PRAG1: variants seen among roughly 807,000 people sequenced by gnomAD.
The protein encoded by PRAG1 is PEAK1 related, kinase-activating pseudokinase 1, also known as inactive tyrosine-protein kinase PRAG1.
Under a neutral mutation model 95.6 loss-of-function variants are expected in PRAG1, and 110 were observed. That is an observed-to-expected ratio of 1.15 (90% CI 0.99 to 1.35). The LOEUF is 1.35. PRAG1 is among the 40% of genes most tolerant of loss of function. The pLI is 0.00. For synonymous variants in PRAG1, 1,052 were observed against 819.4 expected (o/e 1.28, Z -4.85); for missense variants, 2,554 against 1,864.7 (o/e 1.37, Z -6.81).
chr8:8,353,190 T>G (rs987139721), intron 3 of PRAG1, among the ~76,000 whole-genome samples: 2 of 152,218 alleles, frequency 1.3e-5, no homozygotes, highest in Non-Finnish European at 2.9e-5. Flanking sequence ...AATACTGAAC[T>G]GGAATTAAGC....
At chr8:8,320,492 C>G (rs1041786308) in intron 5 of PRAG1, among the ~76,000 whole-genome samples, 7 of 152,182 alleles carry the variant, frequency 4.6e-5, no homozygotes, top group Non-Finnish European at 7.3e-5. Flanking sequence ...ACTAGAGAGT[C>G]TTGAACCAGC....
In PRAG1 at chr8:8,378,009, C is replaced by A; in HGVS notation, c.400G>T (p.Gly134Cys). 6.3e-7 allele frequency: 1 copy of A among 1,593,496 alleles called. No individual in the cohort carries two copies. Among genetic ancestry groups the A allele is most frequent in the Admixed American group, 1.7e-5 (1 of 58,004 alleles). Reference protein sequence around the residue: ...KQEDAPVVYLGSFRGVQKPAG... With the variant: ...KQEDAPVVYLCSFRGVQKPAG... ...GGCTTCTGTACACCTCGGAAGCTGC[C>A]CAGGTAGACGACGGGGGCATCCTCC... The change falls in exon 3 of 6, where the codon GGC becomes TGC. Residue 134 changes from glycine (G) to cysteine (C), a missense_variant. By Grantham distance (159) the Gly-to-Cys change is radical. Transcript: ENST00000615670.
chr8:8,358,115 A>G (rs963025766), intron 3 of PRAG1, among the ~76,000 whole-genome samples: 3 of 152,220 alleles, frequency 2.0e-5, no homozygotes, highest in Non-Finnish European at 4.4e-5. Context: ...TGATCAATCA[A>G]TTATAAATTG....
rs772190910 is a variant in PRAG1 at position 8,318,441 on chromosome 8, G to A, written c.3934C>T (p.Pro1312Ser). ...TCGCCGATGCGGATACGCTTGATGG[G>A]GTCGGCCTCCAGTAGCAGATGTGCC... ...QLAHLLLEAD[P>S]IKRIRIGEAK... is the part of the protein sequence containing the mutation. The change falls in exon 6 of 6, where the codon CCC (proline) becomes TCC (serine). Residue 1312 changes from proline (P) to serine (S), a missense_variant. Transcript: ENST00000615670. The surrounding 1 kb of genome is among the most constrained non-coding windows in gnomAD (Gnocchi z 4.2). 9.3e-6 allele frequency: 15 copies of A among 1,612,452 alleles called. No individual in the cohort carries two copies. The highest frequency in any genetic ancestry group is 1.3e-5 in the African/African-American group (1 of 74,936).
At chr8:8,363,661 A>G (rs1799915781) in intron 3 of PRAG1, among the ~76,000 whole-genome samples, 1 of 152,220 alleles carries the variant, frequency 6.6e-6, no homozygotes, top group Non-Finnish European at 1.5e-5. Context: ...AATGGAAACT[A>G]CTATTAAACT....
At chr8:8,373,790 T>G (rs971221141) in intron 3 of PRAG1, among the ~76,000 whole-genome samples, 34 of 152,166 alleles carry the variant, frequency 2.2e-4, no homozygotes, top group Non-Finnish European at 2.9e-5. Context: ...AACTTGTTTA[T>G]TTTTTAAGAG....
Position 8,377,497 on chromosome 8 carries a change from GC to G in PRAG1, c.911del (p.Gly304AlafsTer66), listed in dbSNP as rs772208360. 3 of 1,554,146 alleles carry G rather than the reference GC, an allele frequency of 1.9e-6. No individual in the cohort carries two copies. The highest frequency in any genetic ancestry group is 1.7e-6 in the Non-Finnish European group (2 of 1,150,396). Reference protein sequence around the residue: ...CSGPAEQEKRGPSFPKECCSQ... With the variant: ...CSGPAEQEKRXPSFPKECCSQ... ...TACAGCACTCCTTGGGGAAGCTCGG[GC>G]CCCGCTTCTCCTGCTCTGCGGGCCC... is the stretch of plus-strand genomic sequence containing the variant. On this transcript the variant is annotated frameshift_variant, in exon 3 of 6. Coordinates refer to ENST00000615670, the MANE Select transcript of PRAG1 (RefSeq NM_001080826.3). LOFTEE classifies it high-confidence loss of function.
At chr8:8,354,642 T>C (rs925159410) in intron 3 of PRAG1, among the ~76,000 whole-genome samples, 2 of 152,180 alleles carry the variant, frequency 1.3e-5, no homozygotes, top group Admixed American at 6.5e-5. Flanking sequence ...AATAAATCAT[T>C]GTAATATGTC....
intron 3 of PRAG1, among the ~76,000 whole-genome samples, chr8:8,356,247 G>C (rs1799677807): frequency 6.6e-6 from 1 of 152,218 alleles, no homozygotes; most frequent in Admixed American, 6.5e-5. Context: ...TAAGATGGCT[G>C]TTATCAATAT....
At chr8:8,364,904 G>A (rs1799953506) in intron 3 of PRAG1, among the ~76,000 whole-genome samples, 1 of 152,148 alleles carries the variant, frequency 6.6e-6, no homozygotes, top group South Asian at 2.1e-4. Flanking sequence ...AGGAAACACA[G>A]ACAAGCATTG....
At chr8:8,339,391 C>G in intron 4 of PRAG1, 87 bp downstream of exon 4, 4 of 1,422,770 alleles carry the variant, frequency 2.8e-6, no homozygotes. Context: ...AGTCCTTGCT[C>G]AGCCCTTCCA....
At chr8:8,379,747 G>A (rs184382564) in intron 2 of PRAG1, among the ~76,000 whole-genome samples, 11 of 152,336 alleles carry the variant, frequency 7.2e-5, no homozygotes, top group African/African-American at 2.6e-4. Context: ...TGTGTCTAAA[G>A]ACAGCAGATG....
chr8:8,381,333 A>G, intron 2 of PRAG1, 85 bp downstream of exon 2: 1 of 1,377,018 alleles, frequency 7.3e-7, no homozygotes, highest in African/African-American at 1.4e-5. Flanking sequence ...TTGCTGGAAC[A>G]GCCCTCCCTG....
intron 3 of PRAG1, among the ~76,000 whole-genome samples, chr8:8,362,458 G>T (rs573039394): frequency 6.6e-6 from 1 of 152,236 alleles, no homozygotes; most frequent in East Asian, 1.9e-4. Flanking sequence ...ATCCTTTCCC[G>T]TGTTGCTGAG....
chr8:8,321,664 TG>T (rs1410425780), intron 5 of PRAG1, among the ~76,000 whole-genome samples: 1 of 152,202 alleles, frequency 6.6e-6, no homozygotes, highest in Non-Finnish European at 1.5e-5. Flanking sequence ...AGGAGGAAAC[TG>T]GGGCTTCCAG....
Position 8,381,314 on chromosome 8 carries a change from G to T in PRAG1, c.330+104C>A, listed in dbSNP as rs996170984. 3.1e-5 allele frequency: 35 copies of T among 1,128,258 alleles called. No homozygotes were observed. The Admixed American group carries it at 7.9e-4, about 26-fold the overall frequency. 69.9% of individuals were successfully genotyped at this position (1,128,258 alleles called of 1,614,324 possible). On this transcript the variant is annotated intron_variant, in intron 2 of 5. Transcript: ENST00000615670. ...GGGCAAACTGACAGGAAGCTATCCTGCAGGTTTCTTGCTGGAACAGCCCTC... is the reference window on the plus strand; with the variant it reads ...GGGCAAACTGACAGGAAGCTATCCTTCAGGTTTCTTGCTGGAACAGCCCTC...
intron 3 of PRAG1, among the ~76,000 whole-genome samples, chr8:8,366,265 C>A (rs1454888322): frequency 1.3e-5 from 2 of 151,166 alleles, no homozygotes; most frequent in East Asian, 3.9e-4. Flanking sequence ...ATCTGCCAAA[C>A]AGAAGTGGCT....
intron 5 of PRAG1, among the ~76,000 whole-genome samples, chr8:8,323,818 T>A (rs1321235383): frequency 6.6e-6 from 1 of 152,148 alleles, no homozygotes; most frequent in Non-Finnish European, 1.5e-5. Context: ...GAACTAAACA[T>A]CAGGTGACTC....
intron 5 of PRAG1, among the ~76,000 whole-genome samples, chr8:8,325,023 C>T (rs774202704): frequency 4.6e-5 from 7 of 152,190 alleles, no homozygotes; most frequent in Non-Finnish European, 5.9e-5. Context: ...CGACCGCAAA[C>T]GAGGCTCCGT....
Sources: gnomAD v4.1 joint callset for allele counts (sites outside exome capture counted in the v4.1 genomes callset) on GRCh38, gnomAD v4.1.1 for gene constraint, Gnocchi (gnomAD v3.1) non-coding constraint, MANE v1.5 for transcripts, NCBI Gene and HGNC (gene_info 2026-07-23, HGNC 2026-07-21) for gene names.